Variants in DNM1L observed in about 807,000 individuals in gnomAD.
The protein encoded by DNM1L is dynamin-1-like protein.
DNM1L carries 33 observed loss-of-function variants against 92.8 expected under a neutral mutation model. The ratio of observed to expected loss-of-function variants is 0.36; its 90% confidence interval spans 0.27 to 0.48. DNM1L has a LOEUF of 0.48. Ranked by LOEUF, DNM1L falls within the 20% of genes least tolerant of loss-of-function variation. DNM1L has a pLI of 0.99. For synonymous variants in DNM1L, 284 were observed against 305.0 expected (o/e 0.93, Z 0.72); for missense variants, 485 against 888.8 (o/e 0.55, Z 5.78).
intron 9 of DNM1L, among the ~76,000 whole-genome samples, chr12:32,724,962 C>A (rs1360959420): frequency 6.6e-6 from 1 of 151,898 alleles, no homozygotes; most frequent in Non-Finnish European, 1.5e-5. Context: ...ACTCATACTT[C>A]AAGCAATAAG....
intron 3 of DNM1L, 45 bp downstream of exon 3, chr12:32,707,458 A>G: frequency 2.9e-6 from 4 of 1,374,794 alleles, no homozygotes; most frequent in Non-Finnish European, 4.0e-6. Context: ...TGAAAAAAAT[A>G]TATTGTATGA....
At chr12:32,714,844 AAAAC>A (rs1190193542) in intron 6 of DNM1L, among the ~76,000 whole-genome samples, 1 of 151,106 alleles carries the variant, frequency 6.6e-6, no homozygotes, top group African/African-American at 2.4e-5. Context: ...AAAACCACAA[AAAAC>A]AATTAGCTGG....
At chr12:32,688,029 G>T (rs928433740) in intron 1 of DNM1L, among the ~76,000 whole-genome samples, 1 of 151,968 alleles carries the variant, frequency 6.6e-6, no homozygotes, top group East Asian at 1.9e-4. Flanking sequence ...GGGTTCAAGC[G>T]ATCCAACCAC....
chr12:32,685,043 C>T (rs1488993830), intron 1 of DNM1L, among the ~76,000 whole-genome samples: 5 of 151,404 alleles, frequency 3.3e-5, no homozygotes, highest in South Asian at 2.1e-4. Flanking sequence ...GGGTTTACGC[C>T]GTTCTCCTGC....
chr12:32,727,779 C>G (rs1486201680), intron 9 of DNM1L, among the ~76,000 whole-genome samples: 2 of 152,190 alleles, frequency 1.3e-5, no homozygotes, highest in Admixed American at 1.3e-4. Context: ...TTAGGCCAGT[C>G]TCCTACTACT....
rs141752390 is a variant in DNM1L at position 32,738,074 on chromosome 12, T to C, written c.1674+132T>C. On this transcript the variant is annotated intron_variant, in intron 15 of 19. Transcript: ENST00000549701. Reference sequence around the variant, plus strand: ...CTAAGGTCAGATCACTTTAGTCTAATATATATTTTAAAATTATATAACAAT... The same window carrying C: ...CTAAGGTCAGATCACTTTAGTCTAACATATATTTTAAAATTATATAACAAT... The C allele has an allele frequency of 3.2e-3, 3,468 of 1,099,156 alleles. 35 individuals carry two copies. Among genetic ancestry groups the C allele is most frequent in the South Asian group, 0.019 (1,296 of 68,624 alleles). The allele number at this position is 1,099,156 out of a possible 1,614,324, so 68.1% of individuals were successfully genotyped here. A position where few individuals can be genotyped will look rare whatever the true frequency, so the allele number is the denominator to read the frequency against.
At chr12:32,738,098 A>G (rs1009554582) in intron 15 of DNM1L, 156 bp downstream of exon 15, 32 of 1,039,870 alleles carry the variant, frequency 3.1e-5, no homozygotes, top group African/African-American at 6.5e-5. Context: ...TTATATAACA[A>G]TGCAATGCAT....
intron 14 of DNM1L, chr12:32,737,396 ATTT>A: frequency 2.0e-6 from 1 of 502,138 alleles, no homozygotes; most frequent in Non-Finnish European, 3.5e-6. Flanking sequence ...TTATTTAAGC[ATTT>A]AAGCATCAAG....
rs554457817 is a variant in DNM1L, at chr12:32,680,090, C to A, written c.102+625C>A. ...AAAAACAAAACGTGTATCTAGAGTT[C>A]TGCGGGTGTTGGGAAGGAATATCCG... On this transcript the variant is annotated intron_variant, in intron 1 of 19. Coordinates refer to ENST00000549701, the MANE Select transcript of DNM1L (RefSeq NM_012062.5). 11 of 853,636 alleles carry A rather than the reference C, an allele frequency of 1.3e-5. No individual in the cohort carries two copies. In the East Asian group the frequency reaches 8.5e-4, roughly 66 times the overall value. The allele number at this position is 853,636 out of a possible 1,614,324, so 52.9% of individuals were successfully genotyped here.
At chr12:32,705,891 C>A (rs1413681249) in intron 2 of DNM1L, 1 of 1,588,934 alleles carries the variant, frequency 6.3e-7, no homozygotes, top group Non-Finnish European at 8.5e-7. Context: ...GCTTTTGACC[C>A]TTTTTTTCTC....
intron 1 of DNM1L, 62 bp from the exon 2 acceptor site, chr12:32,701,353 A>T: frequency 2.8e-6 from 4 of 1,432,948 alleles, no homozygotes; most frequent in Non-Finnish European, 3.9e-6. Context: ...AATATAGTTT[A>T]TTGAATTAAC....
In DNM1L at chr12:32,679,349, C is replaced by T. The variant is rs776969387; in HGVS notation, c.-15C>T. 6.9e-6 allele frequency: 11 copies of T among 1,603,878 alleles called. No individual in the cohort carries two copies. The highest frequency in any genetic ancestry group is 1.3e-5 in the African/African-American group (1 of 74,850). ...CCGTGGCCGGCGGGCACTGGGGCCC[C>T]GTGTTTTCAGAGTCATGGAGGCGCT... On this transcript the variant is annotated 5_prime_UTR_variant, in exon 1 of 20. Coordinates refer to ENST00000549701, the MANE Select transcript of DNM1L (RefSeq NM_012062.5).
intron 1 of DNM1L, among the ~76,000 whole-genome samples, chr12:32,682,290 G>A (rs905676910): frequency 1.3e-5 from 2 of 152,016 alleles, no homozygotes; most frequent in Non-Finnish European, 2.9e-5. Flanking sequence ...GCACCACCAC[G>A]CCCGGCTAAT....
intron 2 of DNM1L, among the ~76,000 whole-genome samples, chr12:32,704,583 C>T (rs186286949): frequency 1.3e-5 from 2 of 151,714 alleles, no homozygotes; most frequent in East Asian, 3.9e-4. Flanking sequence ...ATACATGTTT[C>T]GTAGAATAAT....
At chr12:32,727,287 A>G (rs1396126704) in intron 9 of DNM1L, 2 of 1,189,062 alleles carry the variant, frequency 1.7e-6, no homozygotes, top group Non-Finnish European at 2.5e-6. Context: ...TTTGGCTTCT[A>G]TCTGTGCACC....
intron 1 of DNM1L, among the ~76,000 whole-genome samples, chr12:32,695,445 T>A (rs761674717): frequency 2.0e-5 from 3 of 151,948 alleles, no homozygotes; most frequent in Admixed American, 6.6e-5. Flanking sequence ...TAAGAAAAAT[T>A]AAAAAATTAA....
intron 19 of DNM1L, among the ~76,000 whole-genome samples, chr12:32,743,094 A>T (rs1164725818): frequency 6.6e-6 from 1 of 150,950 alleles, no homozygotes; most frequent in East Asian, 1.9e-4. Context: ...ACGGGGTTTC[A>T]CCATGTTAGC....
chr12:32,696,972 C>T (rs761460089), intron 1 of DNM1L, among the ~76,000 whole-genome samples: 9 of 150,922 alleles, frequency 6.0e-5, no homozygotes, highest in Non-Finnish European at 1.3e-4. Context: ...TGTCTCCTTT[C>T]TCCTATGACA....
intron 2 of DNM1L, chr12:32,705,858 C>T: frequency 6.3e-7 from 1 of 1,597,992 alleles, no homozygotes; most frequent in African/African-American, 1.3e-5. Context: ...AGACACCTTT[C>T]TAAAGGTTTC....
Sources: allele counts gnomAD v4.1 joint callset (sites outside exome capture counted in the v4.1 genomes callset), GRCh38; gene constraint gnomAD v4.1.1; transcripts MANE v1.5; gene names NCBI Gene and HGNC (gene_info 2026-07-23, HGNC 2026-07-21).